APBB2: variants seen among roughly 807,000 people sequenced by gnomAD.
APBB2 encodes the protein Fe65-like 1.
Under a neutral mutation model 82.5 loss-of-function variants are expected in APBB2, and 38 were observed. The observed-to-expected ratio is 0.46, with a 90% CI of 0.36 to 0.60. APBB2 has a LOEUF of 0.60. APBB2 is among the 20% of genes least tolerant of loss of function. The pLI, the probability that APBB2 is intolerant of heterozygous loss-of-function variation, is 0.00. For synonymous variants in APBB2, 341 were observed against 368.2 expected, an observed-to-expected ratio of 0.93 and a Z score of 0.85; for missense variants, 772 against 972.3, an observed-to-expected ratio of 0.79 and a Z score of 2.74.
chr4:41,108,381 C>T (rs968622336), intron 2 of APBB2, among the ~76,000 whole-genome samples: 11 of 151,878 alleles, frequency 7.2e-5, no homozygotes, highest in African/African-American at 2.4e-4. Context: ...AAAAAGAAAT[C>T]CAATTCTATT....
intron 1 of APBB2, among the ~76,000 whole-genome samples, chr4:41,146,712 G>A (rs1685974131): frequency 6.6e-6 from 1 of 152,154 alleles, no homozygotes; most frequent in Admixed American, 6.5e-5. Flanking sequence ...CTCACAAAAT[G>A]GGAATAGTCT....
chr4:40,865,230 G>A (rs974408508), intron 12 of APBB2, among the ~76,000 whole-genome samples: 4 of 152,188 alleles, frequency 2.6e-5, no homozygotes, highest in African/African-American at 7.2e-5. Context: ...AAGCAGAATT[G>A]CAAGGACAGG....
intron 5 of APBB2, among the ~76,000 whole-genome samples, chr4:41,029,875 G>A (rs1026738496): frequency 8.5e-5 from 13 of 152,172 alleles, no homozygotes; most frequent in Admixed American, 5.9e-4. Flanking sequence ...AAGAAGAGCT[G>A]GCTGGGCGCG....
chr4:41,143,464 C>A (rs1429265021), intron 1 of APBB2, among the ~76,000 whole-genome samples: 2 of 152,222 alleles, frequency 1.3e-5, no homozygotes, highest in Non-Finnish European at 2.9e-5. Flanking sequence ...TGATCTGCCC[C>A]GTGGAAAACC....
intron 10 of APBB2, among the ~76,000 whole-genome samples, chr4:40,919,673 G>A (rs559216864): frequency 1.2e-4 from 19 of 152,268 alleles, no homozygotes; most frequent in Admixed American, 8.5e-4. Flanking sequence ...AACTCACCCC[G>A]ACTGGCAGGA....
At chr4:40,980,172 G>C (rs934099949) in intron 6 of APBB2, among the ~76,000 whole-genome samples, 1 of 152,080 alleles carries the variant, frequency 6.6e-6, no homozygotes, top group Non-Finnish European at 1.5e-5. Context: ...ACAGGCGCAC[G>C]CTGCCACGCC....
At chr4:41,185,878 C>T (rs1298247234) in intron 1 of APBB2, among the ~76,000 whole-genome samples, 1 of 152,154 alleles carries the variant, frequency 6.6e-6, no homozygotes, top group Non-Finnish European at 1.5e-5. Flanking sequence ...TTTCTTTACA[C>T]AGCACTGCAC....
rs75185592 is a variant in APBB2 at position 41,002,428 on chromosome 4, C to T, written c.835+11155G>A. Among the ~76,000 whole-genome samples, 98 of 152,304 alleles carry T rather than the reference C, an allele frequency of 6.4e-4. 3 individuals are homozygous for T. The East Asian group carries it at 0.018, about 28-fold the overall frequency. Reference sequence around the variant, plus strand: ...CTATGATTAAAAGAAGACTGTAGATCCAAGGATGCTGCTACTATGGCATCA... The same window carrying T: ...CTATGATTAAAAGAAGACTGTAGATTCAAGGATGCTGCTACTATGGCATCA... On this transcript the variant is annotated intron_variant, in intron 6 of 17. Transcript: ENST00000508593.
At chr4:41,026,171 A>ACAAAC (rs1454052070) in intron 5 of APBB2, among the ~76,000 whole-genome samples, 1 of 152,066 alleles carries the variant, frequency 6.6e-6, no homozygotes, top group Non-Finnish European at 1.5e-5. Flanking sequence ...GAAGGAGACA[A>ACAAAC]CAAACACTGG....
At chr4:41,179,060 C>T (rs967234216) in intron 1 of APBB2, among the ~76,000 whole-genome samples, 2 of 151,926 alleles carry the variant, frequency 1.3e-5, no homozygotes, top group Admixed American at 6.5e-5. Flanking sequence ...ATACGTGTCA[C>T]GTCTATTGCA....
intron 6 of APBB2, among the ~76,000 whole-genome samples, chr4:40,952,576 T>C (rs1790501429): frequency 6.6e-6 from 1 of 152,194 alleles, no homozygotes; most frequent in Non-Finnish European, 1.5e-5. Context: ...CAACCCCAAA[T>C]GAATAAACTT....
In APBB2 at chr4:40,825,905, G is replaced by A. The variant is rs772835703; in HGVS notation, c.1798C>T (p.Pro600Ser). The change falls in exon 15 of 18, where the codon CCT (proline) becomes TCT (serine). Residue 600 changes from proline (P) to serine (S), a missense_variant. Transcript: ENST00000508593. ...KFHVQYLGML[P>S]VDKPVGMDIL... is the part of the protein sequence containing the mutation. ...CACATACCGACTGGTTTGTCTACAG[G>A]TAACATGCCCAAGTACTGCACGTGG... 2.2e-5 allele frequency: 35 copies of A among 1,613,928 alleles called. No individual in the cohort carries two copies. Among genetic ancestry groups the A allele is most frequent in the Non-Finnish European group, 3.0e-5 (35 of 1,179,928 alleles).
chr4:41,133,231 A>C (rs1455644734), intron 2 of APBB2, among the ~76,000 whole-genome samples: 16 of 152,256 alleles, frequency 1.1e-4, no homozygotes, highest in Admixed American at 1.0e-3. Flanking sequence ...GCTACAATAT[A>C]TCATATAAAT....
chr4:41,013,547 AAG>A, intron 6 of APBB2, 34 bp downstream of exon 6: 1 of 1,557,950 alleles, frequency 6.4e-7, no homozygotes, highest in Non-Finnish European at 8.7e-7. Flanking sequence ...AAAAAAAAAA[AAG>A]TGCCAGCTGA....
chr4:40,986,999 T>C (rs1210116844), intron 6 of APBB2, among the ~76,000 whole-genome samples: 1 of 152,184 alleles, frequency 6.6e-6, no homozygotes, highest in African/African-American at 2.4e-5. Flanking sequence ...TTTTAAAATG[T>C]AATCAATAAT....
At chr4:41,016,672 A>C (rs373878826) in intron 5 of APBB2, among the ~76,000 whole-genome samples, 6 of 151,896 alleles carry the variant, frequency 4.0e-5, no homozygotes, top group African/African-American at 1.5e-4. Context: ...AAAGAAAAAA[A>C]AAGACTTCTA....
At chr4:40,877,767 T>A (rs1767284518) in intron 12 of APBB2, among the ~76,000 whole-genome samples, 1 of 152,002 alleles carries the variant, frequency 6.6e-6, no homozygotes, top group Admixed American at 6.6e-5. Flanking sequence ...ACTCAGGAGC[T>A]CTCCTTTAGG....
chr4:40,964,753 A>AACACACACACACACACACACACAT, intron 6 of APBB2, among the ~76,000 whole-genome samples: 1 of 139,666 alleles, frequency 7.2e-6, no homozygotes, highest in South Asian at 2.5e-4. Context: ...CCATTGAATA[A>AACACACACACACACACACACACAT]ACACACACAC....
At chr4:41,159,632 G>A (rs1328144082) in intron 1 of APBB2, among the ~76,000 whole-genome samples, 2 of 151,960 alleles carry the variant, frequency 1.3e-5, no homozygotes, top group African/African-American at 4.8e-5. Flanking sequence ...TATGTAATCT[G>A]TCAATTCTTA....
Sources: allele counts gnomAD v4.1 joint callset (sites outside exome capture counted in the v4.1 genomes callset), GRCh38; gene constraint gnomAD v4.1.1; transcripts MANE v1.5; gene names NCBI Gene and HGNC (gene_info 2026-07-23, HGNC 2026-07-21).